RBFOX1: variants seen among roughly 807,000 people sequenced by gnomAD.
RBFOX1 encodes RNA binding fox-1 homolog 1, also known as RNA binding protein fox-1 homolog 1.
RBFOX1 carries 8 observed loss-of-function variants against 57.7 expected under a neutral mutation model. That is an observed-to-expected ratio of 0.14 (90% CI 0.08 to 0.25). The LOEUF (loss-of-function observed/expected upper bound fraction) is 0.25, where lower values mean the gene tolerates loss of function less well. Ranked by LOEUF, RBFOX1 falls within the 10% of genes least tolerant of loss-of-function variation. The pLI is 1.00. For missense variants in RBFOX1, 611 were observed against 548.5 expected, an observed-to-expected ratio of 1.11 and a Z score of -1.14; for synonymous variants, 326 against 222.4, an observed-to-expected ratio of 1.47 and a Z score of -4.15.
intron 3 of RBFOX1, among the ~76,000 whole-genome samples, chr16:5,767,821 T>C (rs1220488559): frequency 1.3e-5 from 2 of 152,174 alleles, no homozygotes; most frequent in Non-Finnish European, 2.9e-5. Context: ...CTCTCGACTT[T>C]GGCCACCTCC....
chr16:7,342,858 G>C (rs1244988840), intron 4 of RBFOX1, among the ~76,000 whole-genome samples: 1 of 152,152 alleles, frequency 6.6e-6, no homozygotes, highest in African/African-American at 2.4e-5. Flanking sequence ...CCCAGCCTCT[G>C]TCCTCAGAGG....
rs115166272 is a variant in RBFOX1 at position 6,762,083 on chromosome 16, C to T, written c.-16+107433C>T. Reference sequence around the variant, plus strand: ...TGGAGCCTGATCTCCACATGTGGTTCTATCTTCTGCTAGTTGAGTTACCTT... The same window carrying T: ...TGGAGCCTGATCTCCACATGTGGTTTTATCTTCTGCTAGTTGAGTTACCTT... On this transcript the variant is annotated intron_variant, in intron 3 of 15. Coordinates refer to ENST00000550418, the MANE Select transcript of RBFOX1 (RefSeq NM_018723.4). Among the ~76,000 whole-genome samples the T allele has an allele frequency of 9.1e-3, 1,389 of 152,238 alleles. 20 individuals carry two copies. Among genetic ancestry groups the T allele is most frequent in the African/African-American group, 0.032 (1,309 of 41,542 alleles).
intron 2 of RBFOX1, among the ~76,000 whole-genome samples, chr16:6,373,539 G>A (rs2090773902): frequency 6.6e-6 from 1 of 151,134 alleles, no homozygotes; most frequent in Non-Finnish European, 1.5e-5. Flanking sequence ...TAGTTCATTG[G>A]GATCACAGGG....
At chr16:6,993,311 T>G (rs2091796715) in intron 3 of RBFOX1, among the ~76,000 whole-genome samples, 1 of 152,192 alleles carries the variant, frequency 6.6e-6, no homozygotes, top group South Asian at 2.1e-4. Flanking sequence ...CAGGATCTCT[T>G]GAAAAAGATA....
chr16:5,736,159 T>C (rs1480952159), intron 3 of RBFOX1, among the ~76,000 whole-genome samples: 1 of 152,058 alleles, frequency 6.6e-6, no homozygotes, highest in East Asian at 1.9e-4. Context: ...GTGGAGCCAC[T>C]CTTCCTGCCT....
chr16:5,313,655 C>T (rs35268438), intron 1 of RBFOX1, among the ~76,000 whole-genome samples: 19,128 of 151,970 alleles, frequency 0.13, 1,219 homozygotes, highest in Middle Eastern at 0.19. Flanking sequence ...ACATGGATGG[C>T]GGCAGACAAA....
chr16:6,049,488 C>T (rs2095530227), intron 1 of RBFOX1, among the ~76,000 whole-genome samples: 4 of 152,140 alleles, frequency 2.6e-5, no homozygotes, highest in Admixed American at 2.6e-4. Flanking sequence ...TAGTCTCATG[C>T]TACTAGTCTT....
intron 4 of RBFOX1, among the ~76,000 whole-genome samples, chr16:7,454,917 T>G (rs539951745): frequency 6.6e-6 from 1 of 152,336 alleles, no homozygotes; most frequent in Non-Finnish European, 1.5e-5. Flanking sequence ...ACTTTATATT[T>G]GGCCAGCCCT....
intron 4 of RBFOX1, among the ~76,000 whole-genome samples, chr16:7,335,633 G>A (rs74459115): frequency 1.3e-5 from 2 of 150,186 alleles, no homozygotes; most frequent in Non-Finnish European, 2.9e-5. Flanking sequence ...CAGTCATTTG[G>A]TGTGCCAGAC....
At chr16:7,130,493 C>T (rs907668884) in intron 4 of RBFOX1, among the ~76,000 whole-genome samples, 1 of 152,138 alleles carries the variant, frequency 6.6e-6, no homozygotes, top group African/African-American at 2.4e-5. Context: ...CATTGCAGTA[C>T]TCTAATGCCT....
chr16:6,322,698 GAC>G (rs1167538477), intron 2 of RBFOX1, among the ~76,000 whole-genome samples: 2 of 152,192 alleles, frequency 1.3e-5, no homozygotes, highest in South Asian at 2.1e-4. Context: ...CTTCCAGGGA[GAC>G]ACAGTTCTCT....
At chr16:5,911,349 G>A (rs111381313) in intron 4 of RBFOX1, among the ~76,000 whole-genome samples, 22 of 152,304 alleles carry the variant, frequency 1.4e-4, no homozygotes, top group Admixed American at 2.0e-4. Context: ...AAGCTCTGAA[G>A]TTCCTGTTCC....
At chr16:6,497,187 C>G (rs1286388205) in intron 2 of RBFOX1, among the ~76,000 whole-genome samples, 2 of 152,122 alleles carry the variant, frequency 1.3e-5, no homozygotes, top group Non-Finnish European at 2.9e-5. Flanking sequence ...GCCGACTAAA[C>G]CCACAAGCAG....
At chr16:5,648,517 A>G (rs541789655) in intron 3 of RBFOX1, among the ~76,000 whole-genome samples, 4 of 152,110 alleles carry the variant, frequency 2.6e-5, no homozygotes, top group South Asian at 2.1e-4. Flanking sequence ...GCTTAGTACA[A>G]CTTGCGGGGA....
At chr16:6,277,708 C>T (rs2075973625) in intron 1 of RBFOX1, among the ~76,000 whole-genome samples, 1 of 150,814 alleles carries the variant, frequency 6.6e-6, no homozygotes, top group Non-Finnish European at 1.5e-5. Context: ...CAAATCCGTG[C>T]TGACTCCTTG....
rs369400445 is a variant in RBFOX1 at position 6,801,143 on chromosome 16, G to C, written c.-16+146493G>C. 5.3e-5 allele frequency among the ~76,000 whole-genome samples: 8 copies of C among 150,836 alleles called. 1 individual carries two copies. In the East Asian group the frequency reaches 1.4e-3, roughly 26 times the overall value. Reference sequence around the variant, plus strand: ...ATTAAGCATTTCTGATATGCTCCTAGGTGATGTTGATGTCTTGGAACACAC... The same window carrying C: ...ATTAAGCATTTCTGATATGCTCCTACGTGATGTTGATGTCTTGGAACACAC... On this transcript the variant is annotated intron_variant, in intron 3 of 15. Transcript: ENST00000550418.
At chr16:6,384,868 G>C (rs1367720565) in intron 2 of RBFOX1, among the ~76,000 whole-genome samples, 1 of 152,134 alleles carries the variant, frequency 6.6e-6, no homozygotes, top group African/African-American at 2.4e-5. Flanking sequence ...TCTAACTAAC[G>C]TGTATCCTTC....
chr16:6,674,798 C>A (rs1202497048), intron 3 of RBFOX1, among the ~76,000 whole-genome samples: 1 of 152,156 alleles, frequency 6.6e-6, no homozygotes, highest in Non-Finnish European at 1.5e-5. Context: ...TTCCTAGAGT[C>A]CCCAGAGAAA....
chr16:5,727,831 G>A lies in RBFOX1; in HGVS notation c.318+128870G>A, dbSNP rs192113406. 1.3e-3 allele frequency among the ~76,000 whole-genome samples: 202 copies of A among 152,248 alleles called. 2 individuals are homozygous for A. The highest frequency in any genetic ancestry group is 4.1e-3 in the Admixed American group (62 of 15,290). Reference sequence around the variant, plus strand: ...GCCTGCTGAGTAGCTGGGACTACAGGTGTGCGCCACCATGCCCACTAATAT... The same window carrying A: ...GCCTGCTGAGTAGCTGGGACTACAGATGTGCGCCACCATGCCCACTAATAT... On this transcript the variant is annotated intron_variant, in intron 3 of 19. Transcript: ENST00000641259.
Sources: gnomAD v4.1 joint callset for allele counts (sites outside exome capture counted in the v4.1 genomes callset) on GRCh38, gnomAD v4.1.1 for gene constraint, MANE v1.5 for transcripts, NCBI Gene and HGNC (gene_info 2026-07-23, HGNC 2026-07-21) for gene names.